The following UBE2K variants were observed in gnomAD, a reference collection of about 807,000 sequenced individuals.
UBE2K encodes the protein ubiquitin conjugating enzyme E2 K.
In UBE2K, 6 loss-of-function variants were observed where a neutral mutation model predicts 30.0. The observed-to-expected ratio is 0.20, with a 90% CI of 0.11 to 0.39. UBE2K has a LOEUF of 0.39. Ranked by LOEUF, UBE2K falls within the 10% of genes least tolerant of loss-of-function variation. The pLI, the probability that UBE2K is intolerant of heterozygous loss-of-function variation, is 1.00. For synonymous variants in UBE2K, 86 were observed against 83.7 expected, an observed-to-expected ratio of 1.03 and a Z score of -0.15; for missense variants, 61 against 241.6, an observed-to-expected ratio of 0.25 and a Z score of 4.96.
At chr4:39,769,894 T>C (rs1271505987) in intron 4 of UBE2K, among the ~76,000 whole-genome samples, 2 of 152,044 alleles carry the variant, frequency 1.3e-5, no homozygotes, top group Non-Finnish European at 2.9e-5. Context: ...CTTCTTGCAC[T>C]CTCAAGAGCA....
chr4:39,775,855 C>A (rs1560383161), intron 5 of UBE2K, among the ~76,000 whole-genome samples: 1 of 151,184 alleles, frequency 6.6e-6, no homozygotes, highest in Admixed American at 6.6e-5. Flanking sequence ...TAAGATATTA[C>A]CCTCTTTTCT....
chr4:39,757,843 A>G (rs1448716915), intron 4 of UBE2K, among the ~76,000 whole-genome samples: 2 of 152,164 alleles, frequency 1.3e-5, no homozygotes, highest in Non-Finnish European at 2.9e-5. Flanking sequence ...GCTCACTCCC[A>G]GATTCCTTAA....
At chr4:39,760,766 C>T (rs113415232) in intron 4 of UBE2K, among the ~76,000 whole-genome samples, 3,288 of 151,690 alleles carry the variant, frequency 0.022, 123 homozygotes, top group African/African-American at 0.076. Context: ...AGCGAGACTC[C>T]GTCTCAAAAA....
chr4:39,723,775 G>A (rs1578438070), intron 1 of UBE2K, among the ~76,000 whole-genome samples: 3 of 152,088 alleles, frequency 2.0e-5, no homozygotes, highest in Admixed American at 6.6e-5. Context: ...TTGTTTCTCT[G>A]TGTTAATAAT....
intron 1 of UBE2K, among the ~76,000 whole-genome samples, chr4:39,729,811 C>G (rs1431130058): frequency 1.3e-5 from 2 of 152,218 alleles, no homozygotes; most frequent in Admixed American, 6.5e-5. Flanking sequence ...CTAAACCTGT[C>G]AAGTCCTCGT....
chr4:39,775,756 A>C (rs1008680269), intron 5 of UBE2K, among the ~76,000 whole-genome samples: 2 of 152,164 alleles, frequency 1.3e-5, no homozygotes, highest in African/African-American at 4.8e-5. Flanking sequence ...TGTCTCAAAA[A>C]ACAAATTTGC....
rs1375555263 is a variant in UBE2K at position 39,771,359 on chromosome 4, G to A, written c.300-3475G>A. The A allele has an allele frequency of 6.2e-6, 10 of 1,612,616 alleles. No individual in the cohort carries two copies. In the East Asian group the frequency reaches 1.3e-4, roughly 22 times the overall value. On this transcript the variant is annotated intron_variant, in intron 4 of 6. Transcript: ENST00000261427. Reference sequence around the variant, plus strand: ...ACGTCGCAGAACCACTCCTCTGCCCGGAGCTTGTTCATGTTCCGTAGCGTA... The same window carrying A: ...ACGTCGCAGAACCACTCCTCTGCCCAGAGCTTGTTCATGTTCCGTAGCGTA...
rs1405060762 is a variant in UBE2K, at chr4:39,723,619, C to G, written c.64-13801C>G. Among the ~76,000 whole-genome samples the G allele has an allele frequency of 4.6e-5, 7 of 152,226 alleles. No homozygotes were observed. The South Asian group carries it at 1.5e-3, about 32-fold the overall frequency. On this transcript the variant is annotated intron_variant, in intron 1 of 6. Coordinates refer to ENST00000261427, the MANE Select transcript of UBE2K (RefSeq NM_005339.5). Reference sequence around the variant, plus strand: ...TCCTGACCTCCTGATCCGCCTGCCTCGGCCTCCGAAAGTGCTAGGATTACA... The same window carrying G: ...TCCTGACCTCCTGATCCGCCTGCCTGGGCCTCCGAAAGTGCTAGGATTACA...
At chr4:39,731,908 T>C (rs1473955727) in intron 1 of UBE2K, among the ~76,000 whole-genome samples, 1 of 152,240 alleles carries the variant, frequency 6.6e-6, no homozygotes, top group African/African-American at 2.4e-5. Flanking sequence ...ATAATTTTTT[T>C]ATATCAATAA....
intron 2 of UBE2K, among the ~76,000 whole-genome samples, chr4:39,745,309 TTTATGGCA>T (rs1336034667): frequency 6.6e-6 from 1 of 152,248 alleles, no homozygotes; most frequent in Non-Finnish European, 1.5e-5. Context: ...TAGAATTTTG[TTTATGGCA>T]TAATCTCTGT....
Position 39,705,211 on chromosome 4 carries a change from T to C in UBE2K, c.63+6821T>C, listed in dbSNP as rs1333753683. Among the ~76,000 whole-genome samples, 15 of 147,674 alleles carry C rather than the reference T, an allele frequency of 1.0e-4. No individual in the cohort carries two copies. In the East Asian group the frequency reaches 3.0e-3, roughly 29 times the overall value. On this transcript the variant is annotated intron_variant, in intron 1 of 6. Transcript: ENST00000261427. ...GCACCTGGGTTTTTTTTTTTTTTTT[T>C]TTGGGAGACAGAGTCTTGCTCTGTT...
chr4:39,724,469 G>A (rs1341694188), intron 1 of UBE2K, among the ~76,000 whole-genome samples: 1 of 151,108 alleles, frequency 6.6e-6, no homozygotes, highest in Non-Finnish European at 1.5e-5. Context: ...GGCATGGGCC[G>A]GGCATGGTGG....
intron 1 of UBE2K, among the ~76,000 whole-genome samples, chr4:39,707,501 G>A (rs957168630): frequency 1.3e-5 from 2 of 150,016 alleles, no homozygotes; most frequent in African/African-American, 4.9e-5. Context: ...TGCCTGGCCT[G>A]TATGACTGTA....
intron 2 of UBE2K, among the ~76,000 whole-genome samples, chr4:39,739,280 C>G (rs567090057): frequency 2.0e-5 from 3 of 152,042 alleles, no homozygotes; most frequent in African/African-American, 7.2e-5. Flanking sequence ...ATCTGCCAGC[C>G]TCGGCCTCCC....
intron 1 of UBE2K, chr4:39,714,542 A>ATTTTTTTTTTTTT (rs1275060030): frequency 3.0e-4 from 6 of 20,194 alleles, no homozygotes; most frequent in African/African-American, 4.2e-4. Flanking sequence ...ATATATATAT[A>ATTTTTTTTTTTTT]TATATATATT....
intron 1 of UBE2K, among the ~76,000 whole-genome samples, chr4:39,716,011 A>G (rs1401649233): frequency 1.3e-5 from 2 of 152,148 alleles, no homozygotes; most frequent in African/African-American, 4.8e-5. Flanking sequence ...TCTCGTGATC[A>G]TCCATTTTGT....
Position 39,698,169 on chromosome 4 carries a change from A to G in UBE2K, c.-159A>G, listed in dbSNP as rs1032094819. On this transcript the variant is annotated 5_prime_UTR_variant, in exon 1 of 7. Transcript: ENST00000261427. ...GGTGGCCGGGCGCGGAGGTGATTCC[A>G]CACTGAGGCGAGCGCGGCGGCCGGG... 41 of 745,870 alleles carry G rather than the reference A, an allele frequency of 5.5e-5. No individual in the cohort carries two copies. Among genetic ancestry groups the G allele is most frequent in the African/African-American group, 5.0e-4 (29 of 58,024 alleles). The allele number at this position is 745,870 out of a possible 1,614,324, so 46.2% of individuals were successfully genotyped here.
At chr4:39,707,279 C>G (rs114112401) in intron 1 of UBE2K, among the ~76,000 whole-genome samples, 1,706 of 152,082 alleles carry the variant, frequency 0.011, 40 homozygotes, top group African/African-American at 0.038. Context: ...GTGACATGAT[C>G]TTGGCTCACT....
intron 3 of UBE2K, among the ~76,000 whole-genome samples, chr4:39,746,055 A>G (rs1720972350): frequency 6.6e-6 from 1 of 152,072 alleles, no homozygotes. Context: ...ACATCTGACA[A>G]TGGCTCATAT....
Sources: allele counts gnomAD v4.1 joint callset (sites outside exome capture counted in the v4.1 genomes callset), GRCh38; gene constraint gnomAD v4.1.1; transcripts MANE v1.5; gene names NCBI Gene and HGNC (gene_info 2026-07-23, HGNC 2026-07-21).